CTSH: variants seen among roughly 807,000 people sequenced by gnomAD.
The protein encoded by CTSH is cathepsin H.
A neutral mutation model predicts 56.3 loss-of-function variants in CTSH; 52 were observed. The observed-to-expected ratio is 0.92, with a 90% CI of 0.74 to 1.16. The LOEUF is 1.16. Among genes scored for constraint, CTSH ranks in the 50% most tolerant of loss-of-function variants. CTSH has a pLI of 0.00. For missense variants in CTSH, 406 were observed against 424.5 expected (o/e 0.96, Z 0.38); for synonymous variants, 174 against 155.7 (o/e 1.12, Z -0.88).
Position 78,935,096 on chromosome 15 carries a change from A to G in CTSH, c.301-14T>C. The G allele has an allele frequency of 6.4e-7, 1 of 1,567,186 alleles. No individual in the cohort carries two copies. The highest frequency in any genetic ancestry group is 8.8e-7 in the Non-Finnish European group (1 of 1,137,982). On this transcript the variant is annotated splice_polypyrimidine_tract_variant and intron_variant, in intron 4 of 11. Transcript: ENST00000220166. ...GGCTGAGCAATTCTGGAACAACCAAACACATTATTTTCAGGAAAATAAACA... is the reference window on the plus strand; with the variant it reads ...GGCTGAGCAATTCTGGAACAACCAAGCACATTATTTTCAGGAAAATAAACA...
In CTSH at chr15:78,924,753, G is replaced by T. The variant is rs933930343; in HGVS notation, c.806+581C>A. Among the ~76,000 whole-genome samples the T allele has an allele frequency of 2.0e-5, 3 of 150,780 alleles. No individual in the cohort carries two copies. The East Asian group carries it at 5.8e-4, about 29-fold the overall frequency. On this transcript the variant is annotated intron_variant, in intron 10 of 11. Transcript: ENST00000220166. ...CACCAAGGTTGGAGTGCAGTGGCAC[G>T]ATCTTGGCTTAGTGCTACTTCCACC... is the stretch of plus-strand genomic sequence containing the variant.
chr15:78,925,453 G>A lies in CTSH; in HGVS notation c.700-13C>T, dbSNP rs1263253051. 6.4e-7 allele frequency: 1 copy of A among 1,567,692 alleles called. No individual in the cohort carries two copies. Among genetic ancestry groups the A allele is most frequent in the Admixed American group, 1.7e-5 (1 of 59,844 alleles). On this transcript the variant is annotated splice_polypyrimidine_tract_variant and intron_variant, in intron 9 of 11. Transcript: ENST00000220166. ...CTTCCTCGTCATACTGTGGAAACAG[G>A]ACCGAGACAGAAACACATGGCCTGT...
chr15:78,943,843 C>T (rs1267244290), intron 1 of CTSH, among the ~76,000 whole-genome samples: 3 of 152,262 alleles, frequency 2.0e-5, no homozygotes, highest in African/African-American at 7.2e-5. Flanking sequence ...CAGCGCCAGC[C>T]TTCTCCAGGC....
At chr15:78,932,575 C>T (rs868509517) in intron 5 of CTSH, 117 bp from the exon 6 acceptor site, 68 of 710,472 alleles carry the variant, frequency 9.6e-5, no homozygotes, top group Non-Finnish European at 1.6e-4. Flanking sequence ...GGTGCCTTGG[C>T]AGTTTACCAA....
At chr15:78,938,862 AT>A (rs2055231177) in intron 2 of CTSH, among the ~76,000 whole-genome samples, 1 of 152,120 alleles carries the variant, frequency 6.6e-6, no homozygotes, top group South Asian at 2.1e-4. Flanking sequence ...GGTTGTACTA[AT>A]TTACATTCTC....
At chr15:78,931,380 C>A (rs1371119440) in intron 7 of CTSH, 71 bp downstream of exon 7, 2 of 1,594,836 alleles carry the variant, frequency 1.3e-6, no homozygotes, top group Non-Finnish European at 1.7e-6. Context: ...AGACCCAGCA[C>A]ACACTGGATC....
intron 5 of CTSH, among the ~76,000 whole-genome samples, chr15:78,933,267 A>G (rs1488595162): frequency 3.3e-5 from 5 of 152,146 alleles, no homozygotes; most frequent in Admixed American, 3.3e-4. Context: ...TCCCCTCTCG[A>G]AGCCTTGGCT....
chr15:78,941,695 C>G (rs2055296489), intron 1 of CTSH, among the ~76,000 whole-genome samples: 1 of 151,264 alleles, frequency 6.6e-6, no homozygotes, highest in Admixed American at 6.6e-5. Flanking sequence ...ACTCAGGAGG[C>G]TGAGGCAGGA....
chr15:78,932,970 C>G (rs1008847899), intron 5 of CTSH, among the ~76,000 whole-genome samples: 3 of 152,144 alleles, frequency 2.0e-5, no homozygotes, highest in African/African-American at 7.2e-5. Flanking sequence ...TCCTGTTAAA[C>G]TAACAGCTCC....
At chr15:78,935,139 G>T in intron 4 of CTSH, 57 bp from the exon 5 acceptor site, 1 of 1,174,296 alleles carries the variant, frequency 8.5e-7, no homozygotes, top group Non-Finnish European at 1.3e-6. Context: ...AAACCTTTCT[G>T]ACAACAAGAA....
chr15:78,942,240 G>C lies in CTSH; in HGVS notation c.91+2651C>G, dbSNP rs1310901667. Among the ~76,000 whole-genome samples the C allele has an allele frequency of 2.2e-5, 3 of 137,092 alleles. No individual in the cohort carries two copies. The East Asian group carries it at 7.4e-4, about 34-fold the overall frequency. 89.9% of individuals were successfully genotyped at this position (137,092 alleles called of 152,430 possible). ...CTTTTTTTTTTTTTTTTTTGAGAAG[G>C]AGGCTGGCTCTGTTGCCCAGGCTGG... On this transcript the variant is annotated intron_variant, in intron 1 of 11. Coordinates refer to ENST00000220166, the MANE Select transcript of CTSH (RefSeq NM_004390.5).
Position 78,934,991 on chromosome 15 carries a change from G to T in CTSH, c.392C>A (p.Pro131His), listed in dbSNP as rs1259847854. Residue 131 changes from proline (P) to histidine (H), a missense_variant, in exon 5 of 12, where the codon CCT becomes CAT. By Grantham distance (77) the Pro-to-His change is moderately conservative. Transcript: ENST00000220166. Reference sequence around the variant, plus strand: ...TGCCAGGCATACCTGATTTTTCACAGGTGAGACAAAATTTCCTTTTTTCCG... The same window carrying T: ...TGCCAGGCATACCTGATTTTTCACATGTGAGACAAAATTTCCTTTTTTCCG... ...DWRKKGNFVS[P>H]VKNQGACGSC... The T allele has an allele frequency of 6.2e-7, 1 of 1,612,542 alleles. No homozygotes were observed. The highest frequency in any genetic ancestry group is 1.1e-5 in the South Asian group (1 of 91,066).
intron 7 of CTSH, 127 bp downstream of exon 7, chr15:78,931,324 G>A (rs1567361224): frequency 8.3e-7 from 1 of 1,203,120 alleles, no homozygotes; most frequent in Non-Finnish European, 1.2e-6. Flanking sequence ...GTACAACAGA[G>A]ACCATTTTGC....
intron 5 of CTSH, chr15:78,933,486 T>G (rs2055109292): frequency 2.2e-6 from 1 of 444,982 alleles, no homozygotes; most frequent in South Asian, 1.6e-5. Context: ...GTCCCCTACC[T>G]GCCTCCCAGG....
intron 5 of CTSH, chr15:78,933,369 G>A (rs1480711085): frequency 3.4e-5 from 10 of 292,260 alleles, no homozygotes; most frequent in Middle Eastern, 4.3e-4. Flanking sequence ...AGTCACCCCC[G>A]TGGGCACAAT....
chr15:78,935,644 A>T (rs1484148204), intron 4 of CTSH, 36 bp downstream of exon 4: 1 of 1,552,686 alleles, frequency 6.4e-7, no homozygotes, highest in Admixed American at 1.7e-5. Flanking sequence ...GTTTCAGTAA[A>T]AGGATTCAGA....
Position 78,927,553 on chromosome 15 carries a change from G to A in CTSH, c.699+160C>T, listed in dbSNP as rs187698178. The A allele has an allele frequency of 4.8e-4, 306 of 635,152 alleles. 1 individual carries two copies. Among genetic ancestry groups the A allele is most frequent in the African/African-American group, 8.7e-4 (48 of 55,184 alleles). The allele number at this position is 635,152 out of a possible 1,614,324, so 39.3% of individuals were successfully genotyped here. A position where few individuals can be genotyped will look rare whatever the true frequency, so the allele number is the denominator to read the frequency against. ...CGCTCTCCCTCCCATCTCCTGCCTC[G>A]CCACCATCACAGCGACTGAGACCCA... On this transcript the variant is annotated intron_variant, in intron 9 of 11. Transcript: ENST00000220166.
chr15:78,937,008 A>C, intron 3 of CTSH: 1 of 327,724 alleles, frequency 3.1e-6, no homozygotes, highest in Non-Finnish European at 5.7e-6. Context: ...AGCAACCCCT[A>C]CCCCCCGCAA....
intron 3 of CTSH, among the ~76,000 whole-genome samples, chr15:78,936,416 G>A (rs1274256335): frequency 7.3e-5 from 11 of 151,286 alleles, no homozygotes; most frequent in Admixed American, 6.6e-4. Flanking sequence ...TCCTGACCCT[G>A]TCTTTAGGGA....
Sources: allele counts gnomAD v4.1 joint callset (sites outside exome capture counted in the v4.1 genomes callset), GRCh38; gene constraint gnomAD v4.1.1; transcripts MANE v1.5; gene names NCBI Gene and HGNC (gene_info 2026-07-23, HGNC 2026-07-21).